RBFOX1: variants seen among roughly 807,000 people sequenced by gnomAD.
RBFOX1 encodes RNA binding fox-1 homolog 1.
In RBFOX1, 8 loss-of-function variants were observed where a neutral mutation model predicts 57.7. The observed-to-expected ratio is 0.14, with a 90% confidence interval of 0.08 to 0.25. The LOEUF (loss-of-function observed/expected upper bound fraction) is 0.25, where lower values mean the gene tolerates loss of function less well. RBFOX1 is among the 10% of genes least tolerant of loss of function. The pLI, the probability that RBFOX1 is intolerant of heterozygous loss-of-function variation, is 1.00. For missense variants in RBFOX1, 611 were observed against 548.5 expected, an observed-to-expected ratio of 1.11 and a Z score of -1.14; for synonymous variants, 326 against 222.4, an observed-to-expected ratio of 1.47 and a Z score of -4.15.
intron 3 of RBFOX1, among the ~76,000 whole-genome samples, chr16:5,768,075 A>C (rs945359868): frequency 1.3e-5 from 2 of 152,220 alleles, no homozygotes; most frequent in African/African-American, 2.4e-5. Flanking sequence ...CCAAGAGTAG[A>C]CTGCATTTAA....
At chr16:7,614,213 G>C (rs1453979390) in intron 10 of RBFOX1, 1 of 152,192 alleles carries the variant, frequency 6.6e-6, no homozygotes, top group Non-Finnish European at 1.5e-5. Flanking sequence ...CAGTGAACTG[G>C]AACAGGAGAG....
chr16:7,494,645 C>G (rs1013493204), intron 4 of RBFOX1, among the ~76,000 whole-genome samples: 6 of 152,106 alleles, frequency 3.9e-5, no homozygotes, highest in South Asian at 2.1e-4. Context: ...TCTCTTATGA[C>G]AGAGAGGAGC....
intron 2 of RBFOX1, among the ~76,000 whole-genome samples, chr16:6,602,153 T>G (rs1400761563): frequency 2.0e-5 from 3 of 152,180 alleles, no homozygotes; most frequent in African/African-American, 4.8e-5. Context: ...CTTTGCCCAT[T>G]TTTTAATTTG....
At chr16:5,255,159 G>T (rs970053084) in intron 1 of RBFOX1, among the ~76,000 whole-genome samples, 4 of 152,234 alleles carry the variant, frequency 2.6e-5, no homozygotes, top group Admixed American at 6.5e-5. Flanking sequence ...GGTGACTAAG[G>T]CTGACCATTA....
intron 1 of RBFOX1, among the ~76,000 whole-genome samples, chr16:6,174,312 G>C (rs915498219): frequency 6.6e-6 from 1 of 152,106 alleles, no homozygotes; most frequent in African/African-American, 2.4e-5. Context: ...ACAAAAGTTA[G>C]GGCCGGGCAC....
chr16:6,058,023 C>G (rs890241490), intron 1 of RBFOX1, among the ~76,000 whole-genome samples: 4 of 151,926 alleles, frequency 2.6e-5, no homozygotes, highest in African/African-American at 4.8e-5. Context: ...GTTCTTCACA[C>G]TTGAAAGGAT....
chr16:6,580,956 A>T (rs993562147), intron 2 of RBFOX1, among the ~76,000 whole-genome samples: 2 of 151,782 alleles, frequency 1.3e-5, no homozygotes, highest in Non-Finnish European at 2.9e-5. Flanking sequence ...CATAATTGCA[A>T]AGGCAAGCTT....
At position 7,034,848 on chromosome 16, in the gene RBFOX1, CTTTTTTTTT is replaced by C. The variant is rs58405378; in HGVS notation, c.-15-17199_-15-17191del. The stretch of plus-strand genomic sequence containing the variant: ...ATTACTTTTTTTTTTTTTCTTTTTT[CTTTTTTTTT>C]TTTTTTTTTGAGATGGAGTCCTGCT... On this transcript the variant is annotated intron_variant, in intron 3 of 15. Coordinates refer to ENST00000550418, the MANE Select transcript of RBFOX1 (RefSeq NM_018723.4). Among the ~76,000 whole-genome samples the C allele has an allele frequency of 2.9e-4, 9 of 30,830 alleles. 1 individual carries two copies. The highest frequency in any genetic ancestry group is 4.4e-4 in the Admixed American group (1 of 2,264). The allele number at this position is 30,830 out of a possible 152,430, so 20.2% of individuals were successfully genotyped here.
At chr16:6,060,998 C>T (rs1170048938) in intron 1 of RBFOX1, among the ~76,000 whole-genome samples, 1 of 152,174 alleles carries the variant, frequency 6.6e-6, no homozygotes, top group African/African-American at 2.4e-5. Context: ...CATTCATTTA[C>T]AGTTACTGAG....
At chr16:6,073,798 T>G (rs1327651168) in intron 1 of RBFOX1, among the ~76,000 whole-genome samples, 6 of 152,182 alleles carry the variant, frequency 3.9e-5, no homozygotes, top group African/African-American at 1.4e-4. Context: ...TATATTTTTT[T>G]TATTTGATAG....
intron 4 of RBFOX1, among the ~76,000 whole-genome samples, chr16:7,055,907 CT>C (rs139744032): frequency 0.011 from 1,700 of 152,248 alleles, 36 homozygotes; most frequent in African/African-American, 0.039. Flanking sequence ...GGCTCAGCAA[CT>C]TTGTGAATTC....
intron 3 of RBFOX1, among the ~76,000 whole-genome samples, chr16:5,779,780 C>T (rs1352877203): frequency 2.6e-5 from 4 of 152,180 alleles, no homozygotes; most frequent in Non-Finnish European, 4.4e-5. Flanking sequence ...GGTGTTGCGG[C>T]ACAGGAGGCC....
At chr16:5,954,066 T>C (rs1405380311) in intron 4 of RBFOX1, among the ~76,000 whole-genome samples, 1 of 152,224 alleles carries the variant, frequency 6.6e-6, no homozygotes, top group Non-Finnish European at 1.5e-5. Flanking sequence ...CACTGCACAC[T>C]ATGCTACAGT....
At chr16:6,484,743 G>A in intron 2 of RBFOX1, among the ~76,000 whole-genome samples, 1 of 152,102 alleles carries the variant, frequency 6.6e-6, no homozygotes, top group East Asian at 1.9e-4. Flanking sequence ...GCAGAATTGT[G>A]AATCCAAAAG....
At chr16:6,256,197 G>A (rs61441979) in intron 1 of RBFOX1, among the ~76,000 whole-genome samples, 2 of 45,368 alleles carry the variant, frequency 4.4e-5, no homozygotes, top group African/African-American at 1.0e-4. Flanking sequence ...GTATATATAT[G>A]TATATGTATA....
At chr16:7,352,092 G>A (rs888450180) in intron 4 of RBFOX1, among the ~76,000 whole-genome samples, 10 of 152,010 alleles carry the variant, frequency 6.6e-5, no homozygotes, top group Non-Finnish European at 1.0e-4. Flanking sequence ...GCAATTGCGG[G>A]GTGTATCATT....
At chr16:5,583,102 G>T (rs557417865) in intron 2 of RBFOX1, among the ~76,000 whole-genome samples, 1 of 152,252 alleles carries the variant, frequency 6.6e-6, no homozygotes, top group South Asian at 2.1e-4. Flanking sequence ...TTGAACCCTG[G>T]CAGTTTGGCT....
At chr16:7,086,917 TC>T (rs1412843236) in intron 4 of RBFOX1, among the ~76,000 whole-genome samples, 4 of 152,060 alleles carry the variant, frequency 2.6e-5, no homozygotes, top group African/African-American at 7.2e-5. Context: ...TGACGGCCCA[TC>T]CCCCGGCCCT....
intron 2 of RBFOX1, among the ~76,000 whole-genome samples, chr16:6,378,201 C>G (rs747531838): frequency 6.6e-6 from 1 of 152,218 alleles, no homozygotes; most frequent in Non-Finnish European, 1.5e-5. Context: ...TTGTCCTCGC[C>G]TCAGCTCCCT....
Sources: gnomAD v4.1 joint callset for allele counts (sites outside exome capture counted in the v4.1 genomes callset) on GRCh38, gnomAD v4.1.1 for gene constraint, MANE v1.5 for transcripts, NCBI Gene and HGNC (gene_info 2026-07-23, HGNC 2026-07-21) for gene names.